Variants in ADAMTSL1 observed in about 807,000 individuals in gnomAD.
ADAMTSL1 encodes the protein ADAMTS-like protein 1.
In ADAMTSL1, 126 loss-of-function variants were observed where a neutral mutation model predicts 201.8. The ratio of observed to expected loss-of-function variants is 0.62; its 90% CI spans 0.54 to 0.72. The LOEUF (loss-of-function observed/expected upper bound fraction) is 0.72, where lower values mean the gene tolerates loss of function less well. Ranked by LOEUF, ADAMTSL1 falls within the 30% of genes least tolerant of loss-of-function variation. The pLI is 0.00. For synonymous variants in ADAMTSL1, 1,121 were observed against 903.4 expected (o/e 1.24, Z -4.32); for missense variants, 2,679 against 2,277.8 (o/e 1.18, Z -3.59).
At chr9:18,242,493 G>A (rs11795067) in intron 2 of ADAMTSL1, among the ~76,000 whole-genome samples, 21,830 of 151,986 alleles carry the variant, frequency 0.14, 2,281 homozygotes, top group African/African-American at 0.29. Flanking sequence ...TCAACATAGT[G>A]TTAGAACTAT....
intron 1 of ADAMTSL1, among the ~76,000 whole-genome samples, chr9:18,149,787 A>G (rs1449025809): frequency 2.0e-5 from 3 of 152,084 alleles, no homozygotes; most frequent in Non-Finnish European, 4.4e-5. Flanking sequence ...TATCAAGAAG[A>G]ATGCTATAGT....
intron 19 of ADAMTSL1, 41 bp downstream of exon 19, chr9:18,777,947 G>A (rs1821161996): frequency 6.6e-7 from 1 of 1,515,384 alleles, no homozygotes; most frequent in Non-Finnish European, 8.8e-7. Flanking sequence ...GGGAGGCAAG[G>A]GGCCACATCT....
Position 18,044,683 on chromosome 9 carries a change from C to T in ADAMTSL1, c.88-119179C>T, listed in dbSNP as rs545541596. Among the ~76,000 whole-genome samples the T allele has an allele frequency of 6.6e-5, 10 of 152,258 alleles. No homozygotes were observed. In the South Asian group the frequency reaches 1.9e-3, roughly 28 times the overall value. ...AGGTGAAGCCAGAATATTCAGTGAT[C>T]TCAGTTCTAAAATTATAGAACCAGA... is the stretch of plus-strand genomic sequence containing the variant. On this transcript the variant is annotated intron_variant, in intron 1 of 29. Transcript: ENST00000680146.
chr9:18,841,224 T>G (rs1825697192), intron 23 of ADAMTSL1, among the ~76,000 whole-genome samples: 1 of 152,144 alleles, frequency 6.6e-6, no homozygotes, highest in Non-Finnish European at 1.5e-5. Context: ...AATACCTAAT[T>G]TATTGAGAGT....
intron 12 of ADAMTSL1, among the ~76,000 whole-genome samples, chr9:18,682,985 G>A (rs977237694): frequency 6.6e-6 from 1 of 152,166 alleles, no homozygotes; most frequent in Non-Finnish European, 1.5e-5. Flanking sequence ...CATAAACAGG[G>A]TGGTTAACCT....
At chr9:18,278,643 A>G (rs1832675455) in intron 2 of ADAMTSL1, among the ~76,000 whole-genome samples, 1 of 152,136 alleles carries the variant, frequency 6.6e-6, no homozygotes, top group African/African-American at 2.4e-5. Flanking sequence ...AGATCTTTTT[A>G]TAATTAATCT....
At chr9:18,651,593 T>A (rs1164894595) in intron 7 of ADAMTSL1, 1 of 152,220 alleles carries the variant, frequency 6.6e-6, no homozygotes, top group Non-Finnish European at 1.5e-5. Context: ...ACTTATTTCC[T>A]GCAGAGGACA....
intron 19 of ADAMTSL1, among the ~76,000 whole-genome samples, chr9:18,778,327 T>C (rs1821185244): frequency 6.6e-6 from 1 of 152,212 alleles, no homozygotes; most frequent in Non-Finnish European, 1.5e-5. Context: ...CCCCCAGGGC[T>C]GGGCAGAGAA....
At chr9:18,110,199 C>T (rs143943325) in intron 1 of ADAMTSL1, among the ~76,000 whole-genome samples, 10 of 152,288 alleles carry the variant, frequency 6.6e-5, no homozygotes, top group East Asian at 1.9e-4. Flanking sequence ...ATATTTTGTG[C>T]AGCCATTGGT....
intron 1 of ADAMTSL1, among the ~76,000 whole-genome samples, chr9:17,921,344 C>G (rs1826291951): frequency 6.6e-6 from 1 of 152,146 alleles, no homozygotes; most frequent in South Asian, 2.1e-4. Context: ...TGTTTTATCT[C>G]TCTGCCCGCA....
chr9:18,185,540 G>A (rs541813241), intron 2 of ADAMTSL1, among the ~76,000 whole-genome samples: 139 of 152,228 alleles, frequency 9.1e-4, no homozygotes, highest in African/African-American at 3.3e-3. Context: ...AATTTGTTAT[G>A]CAGCATGGAA....
intron 2 of ADAMTSL1, among the ~76,000 whole-genome samples, chr9:18,303,345 G>C (rs967699779): frequency 5.3e-5 from 8 of 152,306 alleles, no homozygotes; most frequent in African/African-American, 1.9e-4. Context: ...GGCAGAACTA[G>C]TCAGGTCTTC....
At chr9:18,108,875 A>C (rs1207618837) in intron 1 of ADAMTSL1, among the ~76,000 whole-genome samples, 1 of 152,124 alleles carries the variant, frequency 6.6e-6, no homozygotes, top group East Asian at 1.9e-4. Context: ...TCGTAGTTGA[A>C]ATTCACCAGC....
At chr9:18,487,637 C>G (rs1200949502) in intron 1 of ADAMTSL1, among the ~76,000 whole-genome samples, 1 of 152,176 alleles carries the variant, frequency 6.6e-6, no homozygotes, top group Non-Finnish European at 1.5e-5. Flanking sequence ...GACCACAGAT[C>G]ACAACCCATT....
intron 17 of ADAMTSL1, among the ~76,000 whole-genome samples, chr9:18,772,961 A>T (rs10963752): frequency 0.049 from 7,523 of 152,250 alleles, 325 homozygotes; most frequent in East Asian, 0.24. Context: ...GAATGGTGGG[A>T]AGTAATCACT....
intron 20 of ADAMTSL1, among the ~76,000 whole-genome samples, chr9:18,797,015 C>T (rs1822465940): frequency 6.6e-6 from 1 of 152,162 alleles, no homozygotes; most frequent in Non-Finnish European, 1.5e-5. Context: ...TTAATAGAAA[C>T]CTGTCTGGAA....
intron 2 of ADAMTSL1, among the ~76,000 whole-genome samples, chr9:18,424,180 A>C (rs943794534): frequency 6.6e-6 from 1 of 152,242 alleles, no homozygotes; most frequent in African/African-American, 2.4e-5. Context: ...AGTAGACAAG[A>C]AGCTGAACTA....
chr9:18,209,479 C>A (rs556760371), intron 2 of ADAMTSL1, among the ~76,000 whole-genome samples: 1 of 152,238 alleles, frequency 6.6e-6, no homozygotes, highest in South Asian at 2.1e-4. Context: ...AACCAAAACG[C>A]AAACCCTGCC....
chr9:18,534,176 C>G (rs1444502027), intron 3 of ADAMTSL1, among the ~76,000 whole-genome samples: 1 of 152,078 alleles, frequency 6.6e-6, no homozygotes, highest in East Asian at 1.9e-4. Context: ...CAGAGTTTCC[C>G]TTTTAGAAAG....
Sources: gnomAD v4.1 joint callset for allele counts (sites outside exome capture counted in the v4.1 genomes callset) on GRCh38, gnomAD v4.1.1 for gene constraint, MANE v1.5 for transcripts, NCBI Gene and HGNC (gene_info 2026-07-23, HGNC 2026-07-21) for gene names.